The following CAPS2 variants were observed in gnomAD, a reference collection of about 807,000 sequenced individuals.
CAPS2 encodes the protein calcyphosine 2, also known as calcyphosin-2.
Under a neutral mutation model 86.5 loss-of-function variants are expected in CAPS2, and 98 were observed. The observed-to-expected ratio is 1.13, with a 90% CI of 0.96 to 1.34. The LOEUF (loss-of-function observed/expected upper bound fraction) is 1.34. CAPS2 is among the 40% of genes most tolerant of loss of function. CAPS2 has a pLI of 0.00. For missense variants in CAPS2, 729 were observed against 686.8 expected (o/e 1.06, Z -0.69); for synonymous variants, 210 against 225.1 (o/e 0.93, Z 0.60).
intron 16 of CAPS2, among the ~76,000 whole-genome samples, chr12:75,279,495 G>T (rs749537326): frequency 2.6e-5 from 4 of 151,926 alleles, no homozygotes; most frequent in Non-Finnish European, 4.4e-5. Context: ...TAAATAACAG[G>T]CTTAGATGGG....
intron 7 of CAPS2, chr12:75,306,298 C>A: frequency 1.7e-6 from 1 of 598,886 alleles, no homozygotes; most frequent in Non-Finnish European, 3.0e-6. Context: ...ATGGAGGAGG[C>A]CAGAGCTCTG....
At chr12:75,365,246 G>A (rs958359940) in intron 1 of CAPS2, 10 of 152,116 alleles carry the variant, frequency 6.6e-5, no homozygotes, top group Non-Finnish European at 1.5e-4. Flanking sequence ...TCTTCAGAAT[G>A]CCATGATTCT....
At chr12:75,332,440 C>A (rs906628349), upstream of CAPS2, among the ~76,000 whole-genome samples, 7 of 152,080 alleles carry the variant, frequency 4.6e-5, no homozygotes, top group Non-Finnish European at 1.0e-4. Flanking sequence ...TTCATTCAGC[C>A]ACTTATGTAT....
chr12:75,278,544 T>C (rs2033303168), exon 17 of CAPS2: 2 of 999,602 alleles, frequency 2.0e-6, no homozygotes, highest in Non-Finnish European at 2.4e-6. Context: ...GATGTTGCCA[T>C]ATTGTTTGAT....
upstream of CAPS2, chr12:75,326,548 A>C: frequency 9.7e-7 from 1 of 1,027,370 alleles, no homozygotes; most frequent in Non-Finnish European, 1.5e-6. Context: ...GGTAGAGTAA[A>C]TGTTAAATGG....
chr12:75,370,810 G>A (rs551942034), intron 1 of CAPS2, among the ~76,000 whole-genome samples: 1 of 152,196 alleles, frequency 6.6e-6, no homozygotes, highest in African/African-American at 2.4e-5. Context: ...ATTAGTATAG[G>A]TAACAACATT....
chr12:75,295,110 T>G (rs907147050), intron 11 of CAPS2: 3 of 152,106 alleles, frequency 2.0e-5, no homozygotes, highest in African/African-American at 7.2e-5. Flanking sequence ...GACCCGCCTG[T>G]GTAACAGCGA....
At chr12:75,305,026 A>G (rs949028577) in intron 7 of CAPS2, 150 bp from the exon 8 acceptor site, 21 of 537,252 alleles carry the variant, frequency 3.9e-5, no homozygotes, top group Non-Finnish European at 4.7e-5. Flanking sequence ...TTATTAAAAA[A>G]TATTTTCCAT....
intron 1 of CAPS2, among the ~76,000 whole-genome samples, chr12:75,345,599 G>T (rs952810981): frequency 6.6e-6 from 1 of 152,136 alleles, no homozygotes; most frequent in African/African-American, 2.4e-5. Flanking sequence ...TTCACTCTTC[G>T]TTCAACAACA....
intron 5 of CAPS2, 21 bp downstream of exon 5, chr12:75,321,379 T>C: frequency 6.9e-7 from 1 of 1,452,574 alleles, no homozygotes; most frequent in South Asian, 1.3e-5. Flanking sequence ...CATTAGAATT[T>C]TTTAAAGCCT....
intron 1 of CAPS2, among the ~76,000 whole-genome samples, chr12:75,340,257 T>C (rs2042015177): frequency 1.3e-5 from 2 of 151,606 alleles, no homozygotes; most frequent in Non-Finnish European, 2.9e-5. Context: ...TGTGCTGCTA[T>C]AAACATGTGT....
intron 11 of CAPS2, among the ~76,000 whole-genome samples, chr12:75,294,158 C>T (rs1199735689): frequency 1.3e-5 from 2 of 152,016 alleles, no homozygotes; most frequent in Non-Finnish European, 2.9e-5. Context: ...GTTGGTCAGG[C>T]TGGTTTCAAA....
intron 1 of CAPS2, among the ~76,000 whole-genome samples, chr12:75,342,175 GT>G (rs2042166651): frequency 6.6e-6 from 1 of 152,210 alleles, no homozygotes; most frequent in Non-Finnish European, 1.5e-5. Context: ...GATCCTTGTG[GT>G]GTTGAAACAG....
chr12:75,334,407 T>C (rs913661827), upstream of CAPS2: 2 of 1,018,192 alleles, frequency 2.0e-6, no homozygotes, highest in Non-Finnish European at 2.4e-6. Flanking sequence ...GCTTGCATAT[T>C]GCAATCTGTA....
At chr12:75,359,068 A>C (rs1469059747) in intron 1 of CAPS2, among the ~76,000 whole-genome samples, 1 of 150,526 alleles carries the variant, frequency 6.6e-6, no homozygotes, top group Non-Finnish European at 1.5e-5. Flanking sequence ...ATCCACTGGA[A>C]TCTACCAAAA....
chr12:75,343,897 G>T, intron 1 of CAPS2: 1 of 1,611,702 alleles, frequency 6.2e-7, no homozygotes, highest in South Asian at 1.1e-5. Flanking sequence ...TTATGATTTT[G>T]ATAGTCTATC....
chr12:75,389,405 T>C (rs984725820), intron 1 of CAPS2, among the ~76,000 whole-genome samples: 1 of 152,184 alleles, frequency 6.6e-6, no homozygotes, highest in Non-Finnish European at 1.5e-5. Context: ...TTGGTCTAAT[T>C]ATTTAAGAAA....
At chr12:75,298,432 G>A (rs1354515604) in intron 11 of CAPS2, 5 of 454,832 alleles carry the variant, frequency 1.1e-5, no homozygotes, top group African/African-American at 7.7e-5. Context: ...TTCATCTGGA[G>A]ACAACCCATG....
chr12:75,329,001 A>G (rs2041049040), upstream of CAPS2, among the ~76,000 whole-genome samples: 1 of 152,226 alleles, frequency 6.6e-6, no homozygotes, highest in Non-Finnish European at 1.5e-5. Flanking sequence ...CAGGGCTTCA[A>G]AGACAAAAAC....
Sources: allele counts gnomAD v4.1 joint callset (sites outside exome capture counted in the v4.1 genomes callset), GRCh38; gene constraint gnomAD v4.1.1; transcripts MANE v1.5; gene names NCBI Gene and HGNC (gene_info 2026-07-23, HGNC 2026-07-21).